Variants in ANKRD28 observed in about 807,000 individuals in gnomAD.
ANKRD28 encodes ankyrin repeat domain 28.
In ANKRD28, 44 loss-of-function variants were observed where a neutral mutation model predicts 126.5. The ratio of observed to expected loss-of-function variants is 0.35; its 90% CI spans 0.27 to 0.45. ANKRD28 has a LOEUF of 0.45. Ranked by LOEUF, ANKRD28 falls within the 20% of genes least tolerant of loss-of-function variation. The pLI is 1.00. For synonymous variants in ANKRD28, 442 were observed against 468.5 expected, an observed-to-expected ratio of 0.94 and a Z score of 0.73; for missense variants, 1,110 against 1,316.6, an observed-to-expected ratio of 0.84 and a Z score of 2.43.
rs907582659 is a variant in ANKRD28, at chr3:15,846,562, G to A, written c.27+12815C>T. Reference sequence around the variant, plus strand: ...AAAAAATACAAACAGTATAAACCAAGGGCAACAGTTCCTAAATTCTGACCA... The same window carrying A: ...AAAAAATACAAACAGTATAAACCAAAGGCAACAGTTCCTAAATTCTGACCA... On this transcript the variant is annotated intron_variant, in intron 1 of 27. Coordinates refer to the ANKRD28 transcript ENST00000399451. The surrounding 1 kb of genome is among the most constrained non-coding windows in gnomAD (Gnocchi z 5.4). Among the ~76,000 whole-genome samples the A allele has an allele frequency of 6.6e-6, 1 of 152,132 alleles. No individual in the cohort carries two copies. The highest frequency in any genetic ancestry group is 1.5e-5 in the Non-Finnish European group (1 of 68,024).
intron 1 of ANKRD28, among the ~76,000 whole-genome samples, chr3:15,840,830 T>G (rs2061412037): frequency 6.6e-6 from 1 of 152,138 alleles, no homozygotes; most frequent in South Asian, 2.1e-4. Flanking sequence ...GAAAACTGGA[T>G]CTCTACATGG....
intron 14 of ANKRD28, among the ~76,000 whole-genome samples, chr3:15,704,096 C>T (rs1047588828): frequency 2.0e-5 from 3 of 152,062 alleles, no homozygotes; most frequent in South Asian, 2.1e-4. Flanking sequence ...CAGCCCTATA[C>T]GTATCTGCAA....
At chr3:15,690,617 T>G (rs968012454) in intron 17 of ANKRD28, among the ~76,000 whole-genome samples, 1 of 152,090 alleles carries the variant, frequency 6.6e-6, no homozygotes, top group African/African-American at 2.4e-5. Flanking sequence ...CCAGCTGGAG[T>G]CCAGTGGCGT....
chr3:15,724,967 C>T (rs955815059), intron 6 of ANKRD28, among the ~76,000 whole-genome samples: 1 of 151,926 alleles, frequency 6.6e-6, no homozygotes, highest in African/African-American at 2.4e-5. Flanking sequence ...GGCAATGGAG[C>T]GAGGCCTTAT....
chr3:15,853,215 G>A lies in ANKRD28; in HGVS notation c.27+6162C>T, dbSNP rs189091110. On this transcript the variant is annotated intron_variant, in intron 1 of 27. Coordinates refer to the ANKRD28 transcript ENST00000399451. The surrounding 1 kb of genome is among the most constrained non-coding windows in gnomAD (Gnocchi z 4.2). ...TAAGGTATTACTTTGTTACTGATTT[G>A]ATATGATGTGAACCGCCCATAGGAT... 1.3e-5 allele frequency among the ~76,000 whole-genome samples: 2 copies of A among 152,148 alleles called. No individual in the cohort carries two copies. Among genetic ancestry groups the A allele is most frequent in the Non-Finnish European group, 2.9e-5 (2 of 68,012 alleles).
intron 14 of ANKRD28, among the ~76,000 whole-genome samples, chr3:15,700,370 G>C (rs898428658): frequency 6.6e-6 from 1 of 151,842 alleles, no homozygotes; most frequent in Non-Finnish European, 1.5e-5. Flanking sequence ...TGAGTTGATG[G>C]GTGCAGCAAA....
chr3:15,726,175 G>A (rs923456674), intron 6 of ANKRD28, among the ~76,000 whole-genome samples: 1 of 152,098 alleles, frequency 6.6e-6, no homozygotes, highest in African/African-American at 2.4e-5. Flanking sequence ...CCCTACAGCA[G>A]CCCCTAAGTG....
At chr3:15,764,150 G>A (rs542133875) in intron 3 of ANKRD28, among the ~76,000 whole-genome samples, 3 of 152,238 alleles carry the variant, frequency 2.0e-5, no homozygotes, top group East Asian at 3.9e-4. Context: ...GCTTGAACCC[G>A]GGAAGTTGCA....
intron 4 of ANKRD28, among the ~76,000 whole-genome samples, chr3:15,744,697 G>C (rs1438448908): frequency 6.6e-6 from 1 of 152,132 alleles, no homozygotes; most frequent in Non-Finnish European, 1.5e-5. Context: ...AAATTGTGCT[G>C]CTATAAACAT....
chr3:15,766,082 C>G (rs2058722294), intron 3 of ANKRD28, among the ~76,000 whole-genome samples, 152 bp downstream of exon 3: 1 of 151,878 alleles, frequency 6.6e-6, no homozygotes, highest in Admixed American at 6.6e-5. Context: ...GATATGTGAT[C>G]AGTATTTATG....
intron 4 of ANKRD28, among the ~76,000 whole-genome samples, chr3:15,740,874 C>A (rs1331614923): frequency 6.6e-6 from 1 of 152,144 alleles, no homozygotes; most frequent in Non-Finnish European, 1.5e-5. Flanking sequence ...GGTGTGAACC[C>A]TGAATCCATT....
chr3:15,685,272 T>G lies in ANKRD28; in HGVS notation c.2343A>C (p.Thr781=). The G allele has an allele frequency of 6.2e-7, 1 of 1,614,052 alleles. No individual in the cohort carries two copies. Among genetic ancestry groups the G allele is most frequent in the Non-Finnish European group, 8.5e-7 (1 of 1,179,878 alleles). Residue 781 remains threonine, a synonymous_variant, in exon 21 of 28, where the codon ACA becomes ACC. Coordinates refer to ENST00000683139, the MANE Select transcript of ANKRD28 (RefSeq NM_001349278.2). ...SAASMDANPA[T]ADNHGYTALH... ...GTGCCGTATATCCATGATTGTCTGC[T>G]GTGGCTGGATTTGCATCCATAGATG...
intron 2 of ANKRD28, among the ~76,000 whole-genome samples, chr3:15,784,242 T>A (rs1333153336): frequency 6.6e-6 from 1 of 151,958 alleles, no homozygotes; most frequent in African/African-American, 2.4e-5. Flanking sequence ...ATAAAAACAT[T>A]TTATTTGAAT....
At chr3:15,685,897 T>C (rs2068064024) in intron 20 of ANKRD28, 105 bp downstream of exon 20, 2 of 862,906 alleles carry the variant, frequency 2.3e-6, no homozygotes, top group African/African-American at 1.7e-5. Flanking sequence ...GTAAAGACTA[T>C]TTGACGAACA....
intron 2 of ANKRD28, among the ~76,000 whole-genome samples, chr3:15,768,290 G>C (rs2058841522): frequency 6.6e-6 from 1 of 152,106 alleles, no homozygotes; most frequent in Non-Finnish European, 1.5e-5. Context: ...GGGCTATTGA[G>C]AATTAAAGTA....
chr3:15,749,930 T>C (rs914005909), intron 4 of ANKRD28, among the ~76,000 whole-genome samples: 1 of 152,198 alleles, frequency 6.6e-6, no homozygotes, highest in South Asian at 2.1e-4. Flanking sequence ...CTGAGGGTTC[T>C]TGGTTGTGTT....
chr3:15,682,037 A>G (rs1189116640), intron 21 of ANKRD28, among the ~76,000 whole-genome samples: 1 of 152,122 alleles, frequency 6.6e-6, no homozygotes, highest in Non-Finnish European at 1.5e-5. Flanking sequence ...TTCTCCAGGT[A>G]TATGGGTTCT....
At chr3:15,829,688 C>T (rs2061148275) in intron 1 of ANKRD28, among the ~76,000 whole-genome samples, 1 of 152,018 alleles carries the variant, frequency 6.6e-6, no homozygotes, top group Admixed American at 6.6e-5. Context: ...ACTACCAAAG[C>T]CACCACAAAA....
chr3:15,811,586 C>G (rs2060713105), intron 1 of ANKRD28, among the ~76,000 whole-genome samples: 2 of 151,992 alleles, frequency 1.3e-5, no homozygotes, highest in Non-Finnish European at 2.9e-5. Flanking sequence ...TCCAGAGGAG[C>G]TGGGACTGCA....
Sources: gnomAD v4.1 joint callset for allele counts (sites outside exome capture counted in the v4.1 genomes callset) on GRCh38, gnomAD v4.1.1 for gene constraint, Gnocchi (gnomAD v3.1) non-coding constraint, MANE v1.5 for transcripts, NCBI Gene and HGNC (gene_info 2026-07-23, HGNC 2026-07-21) for gene names.